TRDN: variants seen among roughly 807,000 people sequenced by gnomAD.
The protein encoded by TRDN is triadin, also known as triadin in skeletal muscle.
In TRDN, 161 loss-of-function variants were observed where a neutral mutation model predicts 149.7. The ratio of observed to expected loss-of-function variants is 1.08; its 90% CI spans 0.95 to 1.23. The LOEUF (loss-of-function observed/expected upper bound fraction) is 1.23. Ranked by LOEUF, TRDN falls within the 50% of genes most tolerant of loss-of-function variation. The pLI is 0.00. For missense variants in TRDN, 896 were observed against 823.5 expected (o/e 1.09, Z -1.08); for synonymous variants, 294 against 250.5 (o/e 1.17, Z -1.64).
In TRDN at chr6:123,323,764, T is replaced by C. The variant is rs944740011; in HGVS notation, c.1472-7269A>G. Among the ~76,000 whole-genome samples, 38 of 152,354 alleles carry C rather than the reference T, an allele frequency of 2.5e-4. 1 individual carries two copies. The highest frequency in any genetic ancestry group is 8.9e-4 in the African/African-American group (37 of 41,592). On this transcript the variant is annotated intron_variant, in intron 23 of 40. Transcript: ENST00000334268. ...TTCTGTCATCATTTCATTTTCATGG[T>C]CTTTTGTCTTTTGTATATGCTAAAT...
chr6:123,567,974 G>A (rs1782376513), intron 2 of TRDN, among the ~76,000 whole-genome samples: 2 of 152,020 alleles, frequency 1.3e-5, no homozygotes, highest in Non-Finnish European at 2.9e-5. Context: ...AGTCTCATCT[G>A]GAAATAAATT....
In TRDN at chr6:123,503,891, T is replaced by C; in HGVS notation, c.621A>G (p.Lys207=). 1 of 1,562,710 alleles carries C rather than the reference T, an allele frequency of 6.4e-7. No homozygotes were observed. The highest frequency in any genetic ancestry group is 8.7e-7 in the Non-Finnish European group (1 of 1,152,748). ...CTTCACTCTTTTCTGCAGTCTTAGC[T>C]TTCTTCTGTTCTGTATAAAGTTAAA... ...ETKTLAKEQK[K]AKTAEKSEEK... Residue 207 remains lysine (K), a synonymous_variant, in exon 8 of 41, where the codon AAA becomes AAG. Coordinates refer to ENST00000334268, the MANE Select transcript of TRDN (RefSeq NM_006073.4).
At chr6:123,621,450 T>G (rs1242015849) in intron 1 of TRDN, among the ~76,000 whole-genome samples, 1 of 152,066 alleles carries the variant, frequency 6.6e-6, no homozygotes, top group Non-Finnish European at 1.5e-5. Context: ...GAAATAAACA[T>G]ACATTGATAA....
chr6:123,327,774 A>T (rs1466019586), intron 23 of TRDN, among the ~76,000 whole-genome samples: 1 of 152,138 alleles, frequency 6.6e-6, no homozygotes, highest in Non-Finnish European at 1.5e-5. Flanking sequence ...CTTTTCTGCA[A>T]ATACAACTTT....
At chr6:123,226,721 C>A (rs1171137448) in intron 38 of TRDN, among the ~76,000 whole-genome samples, 1 of 151,862 alleles carries the variant, frequency 6.6e-6, no homozygotes, top group African/African-American at 2.4e-5. Context: ...GAATAAGGCA[C>A]TTACTGTCTA....
chr6:123,267,634 C>A (rs1207061035), intron 32 of TRDN, 73 bp downstream of exon 32: 12 of 1,017,056 alleles, frequency 1.2e-5, no homozygotes. Flanking sequence ...GACTTGTATG[C>A]ATTACTTTAA....
intron 24 of TRDN, among the ~76,000 whole-genome samples, chr6:123,303,318 GAT>G (rs1778497094): frequency 2.1e-5 from 1 of 47,496 alleles, no homozygotes; most frequent in Non-Finnish European, 6.4e-5. Context: ...TTTCCATAAA[GAT>G]AATGTTGTTG....
At chr6:123,544,085 A>AT (rs567346305) in intron 4 of TRDN, among the ~76,000 whole-genome samples, 4 of 151,934 alleles carry the variant, frequency 2.6e-5, no homozygotes, top group East Asian at 1.9e-4. Flanking sequence ...TGAAAAATGA[A>AT]TTTTTTTTAG....
At chr6:123,467,917 C>A (rs1288727244) in intron 9 of TRDN, among the ~76,000 whole-genome samples, 1 of 152,138 alleles carries the variant, frequency 6.6e-6, no homozygotes, top group Non-Finnish European at 1.5e-5. Context: ...AGCTTCAGAT[C>A]TGTCACTTAG....
chr6:123,444,060 G>A (rs1333911824), intron 10 of TRDN, among the ~76,000 whole-genome samples: 1 of 149,448 alleles, frequency 6.7e-6, no homozygotes, highest in Non-Finnish European at 1.5e-5. Context: ...TGTGAAGAAA[G>A]TCATTGGTAG....
intron 1 of TRDN, among the ~76,000 whole-genome samples, chr6:123,572,371 T>A (rs925707720): frequency 1.3e-5 from 2 of 152,142 alleles, no homozygotes; most frequent in African/African-American, 4.8e-5. Flanking sequence ...AATGCTATTT[T>A]AATATACAGA....
At chr6:123,497,084 G>A in intron 9 of TRDN, 109 bp downstream of exon 9, 2 of 759,894 alleles carry the variant, frequency 2.6e-6, no homozygotes, top group South Asian at 4.5e-5. Flanking sequence ...ATCTACACAT[G>A]CATTATGCAA....
chr6:123,245,327 G>C (rs1038829519), intron 38 of TRDN, among the ~76,000 whole-genome samples: 1 of 152,130 alleles, frequency 6.6e-6, no homozygotes. Context: ...AGACTCATCA[G>C]TGTGCTGTAT....
intron 1 of TRDN, among the ~76,000 whole-genome samples, chr6:123,578,251 T>A (rs1031354378): frequency 3.3e-5 from 5 of 152,286 alleles, no homozygotes; most frequent in Admixed American, 6.5e-5. Flanking sequence ...TTTTCCAGAT[T>A]TTTTGTAGTT....
At chr6:123,314,549 T>C (rs1045379788) in intron 24 of TRDN, among the ~76,000 whole-genome samples, 1 of 152,022 alleles carries the variant, frequency 6.6e-6, no homozygotes, top group Non-Finnish European at 1.5e-5. Flanking sequence ...CACACATATG[T>C]TCATTGCAGC....
chr6:123,580,135 G>T (rs545256152), intron 1 of TRDN, among the ~76,000 whole-genome samples: 2 of 152,210 alleles, frequency 1.3e-5, no homozygotes, highest in South Asian at 4.1e-4. Context: ...GAATCTATCT[G>T]GTCCCAGGCT....
chr6:123,455,655 T>G (rs1018869732), intron 10 of TRDN, among the ~76,000 whole-genome samples: 72 of 152,012 alleles, frequency 4.7e-4, no homozygotes, highest in African/African-American at 1.6e-3. Flanking sequence ...TTTGTTTGTT[T>G]GGTGTTGCTG....
intron 10 of TRDN, chr6:123,440,954 TAC>T (rs1327417472): frequency 1.3e-5 from 2 of 152,144 alleles, no homozygotes; most frequent in Non-Finnish European, 2.9e-5. Flanking sequence ...ATTACAGTCA[TAC>T]ACTGTGAGAG....
intron 12 of TRDN, among the ~76,000 whole-genome samples, chr6:123,423,134 T>C (rs1773980912): frequency 6.6e-6 from 1 of 152,178 alleles, no homozygotes; most frequent in African/African-American, 2.4e-5. Flanking sequence ...ATACTCCAGC[T>C]ATAAAATGCC....
Sources: allele counts gnomAD v4.1 joint callset (sites outside exome capture counted in the v4.1 genomes callset), GRCh38; gene constraint gnomAD v4.1.1; transcripts MANE v1.5; gene names NCBI Gene and HGNC (gene_info 2026-07-23, HGNC 2026-07-21).